The following COL23A1 variants were observed in gnomAD, a reference collection of about 807,000 sequenced individuals.
COL23A1 encodes collagen type XXIII alpha 1 chain, also known as collagen alpha-1(XXIII) chain.
In COL23A1, 97 loss-of-function variants were observed where a neutral mutation model predicts 99.3. That is an observed-to-expected ratio of 0.98 (90% CI 0.83 to 1.16). COL23A1 has a LOEUF of 1.16. COL23A1 is among the 50% of genes most tolerant of loss of function. The pLI, the probability that COL23A1 is intolerant of heterozygous loss-of-function variation, is 0.00. For synonymous variants in COL23A1, 320 were observed against 308.2 expected, an observed-to-expected ratio of 1.04 and a Z score of -0.40; for missense variants, 762 against 757.4, an observed-to-expected ratio of 1.01 and a Z score of -0.07.
At chr5:178,246,155 G>A (rs377037507) in intron 24 of COL23A1, 99 bp downstream of exon 24, 39 of 809,936 alleles carry the variant, frequency 4.8e-5, no homozygotes, top group Non-Finnish European at 6.6e-5. Flanking sequence ...CCTGCGAAGT[G>A]CAGGGACCCA....
rs1758830896 is a variant in COL23A1 at position 178,313,775 on chromosome 5, C to T, written c.362-6856G>A. ...AGTGGGGTGAGATGGCCTGAATCCT[C>T]CCAGACCTTCAGTCTGGAGCTCTAT... On this transcript the variant is annotated intron_variant, in intron 2 of 28. Transcript: ENST00000390654. This position sits in a 1 kb window ranked among gnomAD's most constrained non-coding sequence, Gnocchi z 4.2. 6.6e-6 allele frequency among the ~76,000 whole-genome samples: 1 copy of T among 152,176 alleles called. No homozygotes were observed. The highest frequency in any genetic ancestry group is 2.1e-4 in the South Asian group (1 of 4,828).
intron 2 of COL23A1, among the ~76,000 whole-genome samples, chr5:178,536,826 G>A (rs952764821): frequency 5.3e-5 from 8 of 152,232 alleles, no homozygotes; most frequent in African/African-American, 1.9e-4. Flanking sequence ...GCACATTTGG[G>A]TCAGAGCTGG....
At position 178,443,609 on chromosome 5, in the gene COL23A1, C is replaced by T. The variant is rs1478038684; in HGVS notation, c.361+117073G>A. 3.4e-5 allele frequency among the ~76,000 whole-genome samples: 5 copies of T among 148,304 alleles called. No homozygotes were observed. In the East Asian group the frequency reaches 7.9e-4, roughly 24 times the overall value. On this transcript the variant is annotated intron_variant, in intron 2 of 28. Coordinates refer to ENST00000390654, the MANE Select transcript of COL23A1 (RefSeq NM_173465.4). Reference sequence around the variant, plus strand: ...CCAAGTAGCTGGGATTACAGGCGCTCGCCACCATGCCCAGCTATTTTTTTT... The same window carrying T: ...CCAAGTAGCTGGGATTACAGGCGCTTGCCACCATGCCCAGCTATTTTTTTT...
chr5:178,469,778 C>T (rs764046885), intron 2 of COL23A1, among the ~76,000 whole-genome samples: 8 of 152,076 alleles, frequency 5.3e-5, no homozygotes, highest in Non-Finnish European at 1.0e-4. Context: ...CAGAATCGGT[C>T]GTGGGGAGGA....
At chr5:178,349,711 T>A (rs2913802) in intron 2 of COL23A1, among the ~76,000 whole-genome samples, 91,679 of 152,066 alleles carry the variant, frequency 0.6, 28,298 homozygotes, top group East Asian at 0.76. Context: ...ACTGAGTGAA[T>A]GAATGATGGA....
intron 2 of COL23A1, among the ~76,000 whole-genome samples, chr5:178,379,123 T>G (rs1438029552): frequency 6.6e-6 from 1 of 152,118 alleles, no homozygotes; most frequent in African/African-American, 2.4e-5. Flanking sequence ...CTCAAAGGGT[T>G]TGGCTAACAG....
chr5:178,326,284 G>T (rs1759652118), intron 2 of COL23A1, among the ~76,000 whole-genome samples: 1 of 152,170 alleles, frequency 6.6e-6, no homozygotes, highest in Non-Finnish European at 1.5e-5. Flanking sequence ...TCTGGGGAAT[G>T]CGTGTATTTC....
At position 178,256,398 on chromosome 5, in the gene COL23A1, C is replaced by G. The variant is rs756434043; in HGVS notation, c.838-1G>C. 2.5e-6 allele frequency: 4 copies of G among 1,606,724 alleles called. No homozygotes were observed. The highest frequency in any genetic ancestry group is 3.4e-5 in the Admixed American group (2 of 59,382). On this transcript the variant is annotated splice_acceptor_variant, in intron 14 of 28. Coordinates refer to ENST00000390654, the MANE Select transcript of COL23A1 (RefSeq NM_173465.4). LOFTEE classifies it high-confidence loss of function. Reference sequence around the variant, plus strand: ...CCGTGCCTCGGTGGCCAGGCTCCCCCTGTGGAGACATGCATTTGCAGCCAG... The same window carrying G: ...CCGTGCCTCGGTGGCCAGGCTCCCCGTGTGGAGACATGCATTTGCAGCCAG...
At chr5:178,288,649 G>A in intron 4 of COL23A1, 2 of 539,546 alleles carry the variant, frequency 3.7e-6, no homozygotes, top group Non-Finnish European at 6.9e-6. Context: ...GTGGGGACGT[G>A]GGGTTCTGGA....
chr5:178,494,741 C>A (rs914514899), intron 2 of COL23A1, among the ~76,000 whole-genome samples: 4 of 152,174 alleles, frequency 2.6e-5, no homozygotes, highest in Non-Finnish European at 5.9e-5. Context: ...CCCGGTACAT[C>A]CCTAACACCT....
chr5:178,475,872 C>T (rs1210407620), intron 2 of COL23A1, among the ~76,000 whole-genome samples: 1 of 152,172 alleles, frequency 6.6e-6, no homozygotes, highest in Non-Finnish European at 1.5e-5. Flanking sequence ...CAGCTCCTGG[C>T]TGGGAGGACC....
intron 2 of COL23A1, among the ~76,000 whole-genome samples, chr5:178,476,455 C>T (rs746295524): frequency 3.9e-5 from 6 of 152,170 alleles, no homozygotes; most frequent in East Asian, 1.9e-4. Context: ...ATTTGGGGGC[C>T]GCTTTGCCCT....
intron 2 of COL23A1, among the ~76,000 whole-genome samples, chr5:178,465,779 T>G (rs868253002): frequency 6.6e-6 from 1 of 152,116 alleles, no homozygotes; most frequent in Non-Finnish European, 1.5e-5. Flanking sequence ...GGTAAAGAAG[T>G]AGACTGTCCT....
At chr5:178,565,128 G>A (rs72810631) in intron 1 of COL23A1, among the ~76,000 whole-genome samples, 2,224 of 152,312 alleles carry the variant, frequency 0.015, 21 homozygotes, top group Non-Finnish European at 0.023. Flanking sequence ...CTACATTGAC[G>A]TAGAAACACA....
intron 2 of COL23A1, among the ~76,000 whole-genome samples, chr5:178,354,321 G>C (rs991893469): frequency 6.6e-6 from 1 of 152,116 alleles, no homozygotes; most frequent in Admixed American, 6.5e-5. Flanking sequence ...TGATCTTTCT[G>C]CCTCAGCCTC....
At chr5:178,343,663 AT>A (rs745537028) in intron 2 of COL23A1, among the ~76,000 whole-genome samples, 29 of 134,326 alleles carry the variant, frequency 2.2e-4, no homozygotes, top group African/African-American at 2.4e-4. Flanking sequence ...ATATATATAT[AT>A]TTTTTTTTTT....
intron 2 of COL23A1, among the ~76,000 whole-genome samples, chr5:178,356,660 A>G (rs1761670890): frequency 6.6e-6 from 1 of 152,234 alleles, no homozygotes; most frequent in Non-Finnish European, 1.5e-5. Flanking sequence ...GCGCCTCCCC[A>G]GTCCCCACAT....
At chr5:178,421,753 C>T (rs1221303705) in intron 2 of COL23A1, among the ~76,000 whole-genome samples, 1 of 152,196 alleles carries the variant, frequency 6.6e-6, no homozygotes, top group Non-Finnish European at 1.5e-5. Context: ...CCTGTAATCC[C>T]AGCTACTCAG....
At chr5:178,411,943 T>A (rs1349445774) in intron 2 of COL23A1, among the ~76,000 whole-genome samples, 1 of 152,230 alleles carries the variant, frequency 6.6e-6, no homozygotes, top group East Asian at 1.9e-4. Flanking sequence ...ACTGAGAGAA[T>A]AAGTCGGCAT....
Sources: allele counts gnomAD v4.1 joint callset (sites outside exome capture counted in the v4.1 genomes callset), GRCh38; gene constraint gnomAD v4.1.1; non-coding constraint Gnocchi (gnomAD v3.1); transcripts MANE v1.5; gene names NCBI Gene and HGNC (gene_info 2026-07-23, HGNC 2026-07-21).